Variants in CHD8 observed in about 807,000 individuals in gnomAD.
CHD8 encodes ATP-dependent chromatin remodeler CHD8.
In CHD8, 31 loss-of-function variants were observed where a neutral mutation model predicts 279.2. The observed-to-expected ratio is 0.11, with a 90% CI of 0.08 to 0.15. CHD8 has a LOEUF of 0.15. CHD8 is among the 10% of genes least tolerant of loss of function. The pLI is 1.00. For missense variants in CHD8, 2,146 were observed against 3,230.5 expected (o/e 0.66, Z 8.14); for synonymous variants, 1,081 against 1,139.6 (o/e 0.95, Z 1.04).
At chr14:21,444,875 C>T (rs1197139917) in intron 1 of CHD8, among the ~76,000 whole-genome samples, 1 of 151,932 alleles carries the variant, frequency 6.6e-6, no homozygotes, top group East Asian at 1.9e-4. Flanking sequence ...ATGCTTATGT[C>T]TCTCATATCT....
At chr14:21,413,570 T>G (rs1888597197) in intron 9 of CHD8, 1 of 152,952 alleles carries the variant, frequency 6.5e-6, no homozygotes, top group African/African-American at 2.4e-5. Flanking sequence ...AATTTTTGTA[T>G]TTTTAGTAGA....
At chr14:21,427,524 C>T (rs1450467881) in intron 4 of CHD8, 11 of 1,160,188 alleles carry the variant, frequency 9.5e-6, no homozygotes, top group African/African-American at 4.9e-5. Flanking sequence ...TACTCTTGCA[C>T]GTCCCATCAC....
intron 1 of CHD8, among the ~76,000 whole-genome samples, chr14:21,432,996 C>T (rs1889628585): frequency 6.6e-6 from 1 of 152,100 alleles, no homozygotes; most frequent in African/African-American, 2.4e-5. Context: ...TGAATGTATG[C>T]AATGTACACC....
chr14:21,454,031 G>A (rs1196406965), intron 1 of CHD8, among the ~76,000 whole-genome samples: 1 of 151,634 alleles, frequency 6.6e-6, no homozygotes, highest in African/African-American at 2.4e-5. Context: ...GGTGGCGGGC[G>A]CCTGTAATCC....
rs1295828811 is a variant in CHD8 at position 21,392,960 on chromosome 14, T to G, written c.6468+146A>C. 7.0e-6 allele frequency: 8 copies of G among 1,148,412 alleles called. 1 individual carries two copies. The South Asian group carries it at 1.3e-4, about 19-fold the overall frequency. 71.1% of individuals were successfully genotyped at this position (1,148,412 alleles called of 1,614,324 possible). A position where few individuals can be genotyped will look rare whatever the true frequency, so the allele number is the denominator to read the frequency against. On this transcript the variant is annotated intron_variant, in intron 33 of 37. Transcript: ENST00000646647. ...ATACTATTAAGATTCCTAAGTCAACTGGGAAGTTTCCTGGAAAAAAAAAAA... is the reference window on the plus strand; with the variant it reads ...ATACTATTAAGATTCCTAAGTCAACGGGGAAGTTTCCTGGAAAAAAAAAAA...
chr14:21,405,292 C>G lies in CHD8; in HGVS notation c.3224G>C (p.Gly1075Ala), dbSNP rs1191590812. The change falls in exon 16 of 38, where the codon GGG (glycine) becomes GCG (alanine). Residue 1075 changes from glycine (G) to alanine (A), a missense_variant. Transcript: ENST00000646647. This position sits in a 1 kb window ranked among gnomAD's most constrained non-coding sequence, Gnocchi z 4.2. Reference protein sequence around the residue: ...LEKNFSFLSKGAGHTNMPNLL... With the variant: ...LEKNFSFLSKAAGHTNMPNLL... ...ATTAGGCATGTTGGTATGACCTGCC[C>G]CTTTGGAAAGGAAGGAGAAATTCTT... 6.2e-7 allele frequency: 1 copy of G among 1,612,572 alleles called. No homozygotes were observed. The highest frequency in any genetic ancestry group is 1.7e-5 in the Admixed American group (1 of 59,818).
chr14:21,447,193 A>T (rs1193806385), intron 1 of CHD8, among the ~76,000 whole-genome samples: 1 of 152,226 alleles, frequency 6.6e-6, no homozygotes, highest in Non-Finnish European at 1.5e-5. Flanking sequence ...TAGCAGACAC[A>T]GCTTTTACAT....
rs781170984 is a variant in CHD8, at chr14:21,393,564, C to T, written c.6231G>A (p.Lys2077=). ...AGGAAGAAGAAGAAGATGGTGACAG[C>T]TTGCTCAAGTCCAGCTCAGAGTCCG... ...DDSDSELDLS[K]LSPSSSSSSS... The change falls in exon 32 of 38, where the codon AAG becomes AAA. Residue 2077 remains lysine, a synonymous_variant. Coordinates refer to ENST00000646647, the MANE Select transcript of CHD8 (RefSeq NM_001170629.2). 5 of 1,611,740 alleles carry T rather than the reference C, an allele frequency of 3.1e-6. No homozygotes were observed. Among genetic ancestry groups the T allele is most frequent in the Non-Finnish European group, 4.2e-6 (5 of 1,178,946 alleles).
At chr14:21,436,627 T>C (rs1889789597) in intron 1 of CHD8, among the ~76,000 whole-genome samples, 1 of 152,178 alleles carries the variant, frequency 6.6e-6, no homozygotes, top group African/African-American at 2.4e-5. Context: ...CTGTTTCTGT[T>C]TTCCAATTAC....
At chr14:21,415,120 A>G (rs879931062) in intron 7 of CHD8, 127 bp from the exon 8 acceptor site, 4 of 674,426 alleles carry the variant, frequency 5.9e-6, no homozygotes, top group Non-Finnish European at 1.0e-5. Flanking sequence ...TCAGAGATTA[A>G]GGAACTAGTC....
rs761895822 is a variant in CHD8 at position 21,428,993 on chromosome 14, C to A, written c.1186G>T (p.Val396Leu). ...PGQSPGQRLSVPVKVVLQPQA... is the reference protein window; with the variant it reads ...PGQSPGQRLSLPVKVVLQPQA... ...GGCTGCAGTACCACCTTGACTGGTA[C>A]TGAAAGTCTTTGTCCTGGGCTTTGT... Residue 396 changes from valine (V) to leucine (L), a missense_variant, in exon 3 of 38, where the codon GTA (valine) becomes TTA (leucine). Around this residue, in one of 26 missense-constraint regions of CHD8, gnomAD observed 170 missense variants for 189.9 expected, o/e 0.90. Coordinates refer to ENST00000646647, the MANE Select transcript of CHD8 (RefSeq NM_001170629.2). 1.9e-6 allele frequency: 3 copies of A among 1,613,854 alleles called. No individual in the cohort carries two copies. The highest frequency in any genetic ancestry group is 2.5e-6 in the Non-Finnish European group (3 of 1,179,894).
In CHD8 at chr14:21,400,539, T is replaced by C; in HGVS notation, c.4444A>G (p.Ile1482Val). 5 of 1,613,136 alleles carry C rather than the reference T, an allele frequency of 3.1e-6. No homozygotes were observed. The highest frequency in any genetic ancestry group is 4.2e-6 in the Non-Finnish European group (5 of 1,179,710). The change falls in exon 23 of 38, where the codon ATT becomes GTT. Residue 1482 changes from isoleucine (I) to valine (V), a missense_variant. Physicochemically the swap from Ile to Val is conservative, Grantham distance 29. Transcript: ENST00000646647. This position sits in a 1 kb window ranked among gnomAD's most constrained non-coding sequence, Gnocchi z 4.2. Reference sequence around the variant, plus strand: ...CAGTACACGAGAATGGCCCGACAAATGGTCTCCACATCTCGTTCAGTCATA... The same window carrying C: ...CAGTACACGAGAATGGCCCGACAAACGGTCTCCACATCTCGTTCAGTCATA... ...RRMTERDVET[I>V]CRAILVYCLL...
In CHD8 at chr14:21,400,902, C is replaced by G. The variant is rs915195873; in HGVS notation, c.4343G>C (p.Arg1448Pro). 1.9e-5 allele frequency: 31 copies of G among 1,612,408 alleles called. No homozygotes were observed. The highest frequency in any genetic ancestry group is 2.6e-5 in the Non-Finnish European group (31 of 1,179,176). Residue 1448 changes from arginine to proline, a missense_variant, in exon 22 of 38, where the codon CGG (arginine) becomes CCG (proline). Physicochemically the swap from Arg to Pro is moderately radical, Grantham distance 103 (BLOSUM62 -2). Transcript: ENST00000646647. The surrounding 1 kb of genome is among the most constrained non-coding windows in gnomAD (Gnocchi z 4.2). ...HHAYGRTDCF[R>P]VEKHLLVYGW... ...ATATACCAGGAGATGCTTTTCCACC[C>G]GAAAGCAGTCAGTGCGCCCATAGGC...
At chr14:21,448,913 G>A (rs1890190603) in intron 1 of CHD8, among the ~76,000 whole-genome samples, 1 of 150,124 alleles carries the variant, frequency 6.7e-6, no homozygotes, top group Non-Finnish European at 1.5e-5. Context: ...GGTGGCTCAC[G>A]CCTGTAATCC....
In CHD8 at chr14:21,394,140, C is replaced by T; in HGVS notation, c.5655G>A (p.Arg1885=). The change falls in exon 32 of 38, where the codon CGG becomes CGA. Residue 1885 remains arginine (R), a synonymous_variant. Coordinates refer to ENST00000646647, the MANE Select transcript of CHD8 (RefSeq NM_001170629.2). ...GAAGCAATTCTATACGGTAGAGAGTCCGTGAGGCTCTCTCCTCAGTGATGG... is the reference window on the plus strand; with the variant it reads ...GAAGCAATTCTATACGGTAGAGAGTTCGTGAGGCTCTCTCCTCAGTGATGG... ...IEPITEERAS[R]TLYRIELLRR... The T allele has an allele frequency of 6.2e-7, 1 of 1,610,384 alleles. No homozygotes were observed. The highest frequency in any genetic ancestry group is 8.5e-7 in the Non-Finnish European group (1 of 1,177,570).
intron 1 of CHD8, among the ~76,000 whole-genome samples, chr14:21,434,545 T>A (rs1889699843): frequency 6.6e-6 from 1 of 152,154 alleles, no homozygotes; most frequent in Non-Finnish European, 1.5e-5. Context: ...ATGAATCTCC[T>A]TACCCCCATA....
chr14:21,454,275 A>G (rs1890332663), intron 1 of CHD8, among the ~76,000 whole-genome samples: 2 of 152,194 alleles, frequency 1.3e-5, no homozygotes, highest in Non-Finnish European at 2.9e-5. Flanking sequence ...GGAGAATACA[A>G]AAACTGTTCA....
chr14:21,428,882 A>G, intron 3 of CHD8, 82 bp downstream of exon 3: 2 of 1,329,036 alleles, frequency 1.5e-6, no homozygotes, highest in Non-Finnish European at 2.1e-6. Context: ...CCCACATTCA[A>G]GAATAAGTGG....
chr14:21,441,807 T>G (rs1021650792), intron 1 of CHD8, among the ~76,000 whole-genome samples: 25 of 152,194 alleles, frequency 1.6e-4, no homozygotes, highest in African/African-American at 3.4e-4. Flanking sequence ...GAGAATGGCA[T>G]GAACCCGGGA....
Sources: allele counts gnomAD v4.1 joint callset (sites outside exome capture counted in the v4.1 genomes callset), GRCh38; gene constraint gnomAD v4.1.1; regional missense constraint gnomAD v4.1.1; non-coding constraint Gnocchi (gnomAD v3.1); transcripts MANE v1.5; gene names NCBI Gene and HGNC (gene_info 2026-07-23, HGNC 2026-07-21).